Variants in SLAIN2 observed in about 807,000 individuals in gnomAD.
SLAIN2 encodes SLAIN motif-containing protein 2.
A neutral mutation model predicts 56.6 loss-of-function variants in SLAIN2; 31 were observed. That is an observed-to-expected ratio of 0.55 (90% CI 0.41 to 0.74). SLAIN2 has a LOEUF of 0.74. SLAIN2 is among the 30% of genes least tolerant of loss of function. SLAIN2 has a pLI of 0.00. For synonymous variants in SLAIN2, 317 were observed against 284.9 expected, an observed-to-expected ratio of 1.11 and a Z score of -1.13; for missense variants, 777 against 754.2, an observed-to-expected ratio of 1.03 and a Z score of -0.35.
chr4:48,392,580 G>T (rs1207492096), intron 6 of SLAIN2, among the ~76,000 whole-genome samples: 1 of 151,936 alleles, frequency 6.6e-6, no homozygotes, highest in African/African-American at 2.4e-5. Flanking sequence ...AACATATCAG[G>T]CATGGTCCTA....
At chr4:48,368,498 A>C (rs1223064903) in intron 1 of SLAIN2, among the ~76,000 whole-genome samples, 2 of 152,194 alleles carry the variant, frequency 1.3e-5, no homozygotes, top group Non-Finnish European at 2.9e-5. Context: ...AGTAGTGATA[A>C]TATCATAAAA....
intron 6 of SLAIN2, among the ~76,000 whole-genome samples, chr4:48,396,883 GCTTGGCACAGTCA>G: frequency 6.6e-6 from 1 of 152,318 alleles, no homozygotes; most frequent in East Asian, 1.9e-4. Context: ...GAACTGTGTT[GCTTGGCACAGTCA>G]CTCCATAAAT....
At chr4:48,384,615 A>G (rs1463510687) in intron 6 of SLAIN2, among the ~76,000 whole-genome samples, 2 of 152,232 alleles carry the variant, frequency 1.3e-5, no homozygotes, top group African/African-American at 4.8e-5. Context: ...TTTTAGAAGT[A>G]TAGTAGAAAG....
chr4:48,392,582 A>G (rs1485049560), intron 6 of SLAIN2, among the ~76,000 whole-genome samples: 1 of 152,134 alleles, frequency 6.6e-6, no homozygotes, highest in Non-Finnish European at 1.5e-5. Flanking sequence ...CATATCAGGC[A>G]TGGTCCTATC....
intron 2 of SLAIN2, among the ~76,000 whole-genome samples, chr4:48,376,102 T>G (rs1373422667): frequency 6.6e-6 from 1 of 152,256 alleles, no homozygotes; most frequent in Non-Finnish European, 1.5e-5. Context: ...CTTGTATATA[T>G]TCTATAAAGT....
chr4:48,395,648 A>G (rs1288351016), intron 6 of SLAIN2, among the ~76,000 whole-genome samples: 2 of 152,112 alleles, frequency 1.3e-5, no homozygotes, highest in South Asian at 2.1e-4. Context: ...TGTATTTTGA[A>G]TATCAGAAGT....
At chr4:48,361,992 A>G (rs954303278) in intron 1 of SLAIN2, among the ~76,000 whole-genome samples, 4 of 152,168 alleles carry the variant, frequency 2.6e-5, no homozygotes, top group East Asian at 1.9e-4. Flanking sequence ...TAGAAATACA[A>G]TTTTTTGCTT....
rs1430453464 is a variant in SLAIN2 at position 48,341,795 on chromosome 4, A to G, written c.56A>G (p.Glu19Gly). Residue 19 changes from glutamate to glycine, a missense_variant, in exon 1 of 8, where the codon GAG (glutamate) becomes GGG (glycine). By Grantham distance (98) the Glu-to-Gly change is moderately conservative (BLOSUM62 -2). Coordinates refer to ENST00000264313, the MANE Select transcript of SLAIN2 (RefSeq NM_020846.2). The stretch of plus-strand genomic sequence containing the variant: ...GACCAGGAGGTGCGGAAGCTGCAGG[A>G]GCTGGTGAAGAAGCTGGAGAAGCAG... ...NADQEVRKLQ[E>G]LVKKLEKQNE... 8 of 1,530,714 alleles carry G rather than the reference A, an allele frequency of 5.2e-6. No individual in the cohort carries two copies. The highest frequency in any genetic ancestry group is 7.0e-6 in the Non-Finnish European group (8 of 1,138,934). The allele number at this position is 1,530,714 out of a possible 1,614,324, so 94.8% of individuals were successfully genotyped here.
At chr4:48,373,768 C>T (rs1417154893) in intron 2 of SLAIN2, among the ~76,000 whole-genome samples, 1 of 152,168 alleles carries the variant, frequency 6.6e-6, no homozygotes, top group East Asian at 1.9e-4. Flanking sequence ...TGGCCGGGCG[C>T]AGTGGCTTAC....
intron 6 of SLAIN2, among the ~76,000 whole-genome samples, chr4:48,406,899 A>G (rs1426500193): frequency 2.0e-5 from 3 of 151,866 alleles, no homozygotes; most frequent in African/African-American, 7.3e-5. Context: ...TGTTATAATC[A>G]TTTGGTCTTT....
intron 6 of SLAIN2, among the ~76,000 whole-genome samples, chr4:48,406,919 T>G (rs147216521): frequency 2.6e-5 from 4 of 152,240 alleles, no homozygotes; most frequent in East Asian, 3.9e-4. Flanking sequence ...TTTATCTGGA[T>G]GTACAATAGA....
intron 6 of SLAIN2, among the ~76,000 whole-genome samples, chr4:48,394,994 T>A (rs1716341045): frequency 6.6e-6 from 1 of 152,236 alleles, no homozygotes; most frequent in African/African-American, 2.4e-5. Context: ...TGTATGTTGA[T>A]GTTTTTTCCT....
At chr4:48,395,245 G>C (rs1009648113) in intron 6 of SLAIN2, among the ~76,000 whole-genome samples, 14 of 152,094 alleles carry the variant, frequency 9.2e-5, no homozygotes, top group African/African-American at 3.1e-4. Flanking sequence ...AGAGAAAACA[G>C]TGGGATTGGA....
At chr4:48,348,050 A>T (rs917343464) in intron 1 of SLAIN2, among the ~76,000 whole-genome samples, 2 of 152,182 alleles carry the variant, frequency 1.3e-5, no homozygotes, top group African/African-American at 4.8e-5. Flanking sequence ...AGTACGATTG[A>T]TCTTGATTTA....
At chr4:48,351,209 C>T (rs1417367782) in intron 1 of SLAIN2, among the ~76,000 whole-genome samples, 3 of 152,090 alleles carry the variant, frequency 2.0e-5, no homozygotes, top group Non-Finnish European at 2.9e-5. Flanking sequence ...TGTAAGTGAC[C>T]CTTGACTCCA....
chr4:48,382,201 G>A (rs1287384833), intron 4 of SLAIN2, among the ~76,000 whole-genome samples: 1 of 152,092 alleles, frequency 6.6e-6, no homozygotes, highest in Non-Finnish European at 1.5e-5. Flanking sequence ...CCACTGGTTG[G>A]ATGGTAATTG....
At chr4:48,355,717 T>A (rs546892865) in intron 1 of SLAIN2, among the ~76,000 whole-genome samples, 6 of 152,206 alleles carry the variant, frequency 3.9e-5, no homozygotes, top group African/African-American at 1.4e-4. Flanking sequence ...CTTTAGCACT[T>A]CAATGTTAAG....
Position 48,368,799 on chromosome 4 carries a change from G to C in SLAIN2, c.390-1050G>C, listed in dbSNP as rs148012543. The stretch of plus-strand genomic sequence containing the variant: ...GTCATCTACCCCATTATTTAGCCTT[G>C]ATGATCTTGATCAAAACTAAATAAT... On this transcript the variant is annotated intron_variant, in intron 1 of 7. Coordinates refer to ENST00000264313, the MANE Select transcript of SLAIN2 (RefSeq NM_020846.2). 5.9e-5 allele frequency among the ~76,000 whole-genome samples: 9 copies of C among 152,254 alleles called. No individual in the cohort carries two copies. In the East Asian group the frequency reaches 1.5e-3, roughly 26 times the overall value.
intron 1 of SLAIN2, among the ~76,000 whole-genome samples, chr4:48,345,557 G>T (rs1386013039): frequency 1.3e-5 from 2 of 151,734 alleles, no homozygotes; most frequent in Non-Finnish European, 2.9e-5. Context: ...TGCTTAATAT[G>T]AGCCTGAAGT....
Sources: allele counts gnomAD v4.1 joint callset (sites outside exome capture counted in the v4.1 genomes callset), GRCh38; gene constraint gnomAD v4.1.1; transcripts MANE v1.5; gene names NCBI Gene and HGNC (gene_info 2026-07-23, HGNC 2026-07-21).